TMEM132D: variants seen among roughly 807,000 people sequenced by gnomAD.
TMEM132D encodes mature OL transmembrane protein.
Under a neutral mutation model 62.3 loss-of-function variants are expected in TMEM132D, and 21 were observed. That is an observed-to-expected ratio of 0.34 (90% CI 0.24 to 0.49). The LOEUF (loss-of-function observed/expected upper bound fraction) is 0.49, where lower values mean the gene tolerates loss of function less well. TMEM132D is among the 20% of genes least tolerant of loss of function. The probability of loss-of-function intolerance (pLI) is 0.99; values close to 1 mark genes in which losing one functional copy is unlikely to be tolerated. For missense variants in TMEM132D, 1,346 were observed against 1,402.8 expected, an observed-to-expected ratio of 0.96 and a Z score of 0.65; for synonymous variants, 621 against 575.6, an observed-to-expected ratio of 1.08 and a Z score of -1.13.
intron 3 of TMEM132D, among the ~76,000 whole-genome samples, chr12:129,523,125 CACAG>C (rs1196476419): frequency 6.6e-6 from 1 of 152,134 alleles, no homozygotes; most frequent in South Asian, 2.1e-4. Flanking sequence ...CACACACACA[CACAG>C]ACACACACAC....
At chr12:129,357,598 GAA>G (rs1870113721) in intron 3 of TMEM132D, among the ~76,000 whole-genome samples, 1 of 151,218 alleles carries the variant, frequency 6.6e-6, no homozygotes, top group South Asian at 2.1e-4. Flanking sequence ...AGAAAGGAGA[GAA>G]AGAAAAAGAA....
chr12:129,397,096 C>T (rs1436650471), intron 3 of TMEM132D, among the ~76,000 whole-genome samples: 3 of 152,188 alleles, frequency 2.0e-5, no homozygotes, highest in Non-Finnish European at 4.4e-5. Context: ...CATTCTTAAT[C>T]TCATAGGCAT....
intron 1 of TMEM132D, among the ~76,000 whole-genome samples, chr12:129,899,083 T>G (rs1593203739): frequency 6.6e-6 from 1 of 152,336 alleles, no homozygotes; most frequent in East Asian, 1.9e-4. Flanking sequence ...ACTGAAGGCA[T>G]GTGGCCTTTG....
intron 4 of TMEM132D, among the ~76,000 whole-genome samples, chr12:129,244,371 G>A (rs1198025432): frequency 1.7e-5 from 2 of 115,564 alleles, no homozygotes; most frequent in African/African-American, 3.3e-5. Flanking sequence ...GGGCGACAGA[G>A]CGAGACTCTG....
chr12:129,132,085 T>A (rs1296500877), intron 5 of TMEM132D, among the ~76,000 whole-genome samples: 1 of 152,236 alleles, frequency 6.6e-6, no homozygotes, highest in Non-Finnish European at 1.5e-5. Context: ...ACTGTTTTTT[T>A]ATTTGCAATA....
At chr12:129,805,607 A>T (rs1243028953) in intron 1 of TMEM132D, among the ~76,000 whole-genome samples, 2 of 152,062 alleles carry the variant, frequency 1.3e-5, no homozygotes, top group Non-Finnish European at 2.9e-5. Context: ...AAACCTAGGC[A>T]ATACCATTCA....
chr12:129,086,235 G>GTT (rs1565958945), intron 5 of TMEM132D, among the ~76,000 whole-genome samples: 1 of 127,078 alleles, frequency 7.9e-6, no homozygotes, highest in African/African-American at 2.9e-5. Flanking sequence ...TGTGTGTTGT[G>GTT]GTGAGGACAT....
At position 129,516,428 on chromosome 12, in the gene TMEM132D, G is replaced by A. The variant is rs75779269; in HGVS notation, c.1115+14631C>T. ...AGGTTTAATGGACTCACAGTTCCACGTGGCTGGGGAGGCCTCACAATCATG... is the reference window on the plus strand; with the variant it reads ...AGGTTTAATGGACTCACAGTTCCACATGGCTGGGGAGGCCTCACAATCATG... On this transcript the variant is annotated intron_variant, in intron 3 of 8. Transcript: ENST00000422113. Among the ~76,000 whole-genome samples, 685 of 152,308 alleles carry A rather than the reference G, an allele frequency of 4.5e-3. 3 individuals are homozygous for A. The highest frequency in any genetic ancestry group is 0.015 in the African/African-American group (617 of 41,586).
intron 2 of TMEM132D, among the ~76,000 whole-genome samples, chr12:129,692,022 CATTTAAGAT>C (rs1041068587): frequency 6.6e-6 from 1 of 151,900 alleles, no homozygotes; most frequent in Non-Finnish European, 1.5e-5. Flanking sequence ...AATTTACGAA[CATTTAAGAT>C]ATAAATAATA....
intron 3 of TMEM132D, among the ~76,000 whole-genome samples, chr12:129,517,604 C>T (rs905236133): frequency 4.6e-5 from 7 of 152,074 alleles, no homozygotes; most frequent in Non-Finnish European, 7.4e-5. Flanking sequence ...TATTTAAGGG[C>T]GTCAAGCTGC....
intron 2 of TMEM132D, among the ~76,000 whole-genome samples, chr12:129,613,136 T>C (rs1878819720): frequency 1.3e-5 from 2 of 152,218 alleles, no homozygotes; most frequent in African/African-American, 2.4e-5. Flanking sequence ...AGGCACAGGG[T>C]CCCAGTTGGT....
intron 1 of TMEM132D, among the ~76,000 whole-genome samples, chr12:129,726,804 T>C (rs1457884781): frequency 2.0e-5 from 3 of 152,100 alleles, no homozygotes; most frequent in Admixed American, 6.5e-5. Context: ...CAGAAGCAGG[T>C]CTGAGAAGCT....
chr12:129,444,068 TTGAAAC>T (rs1225272694), intron 3 of TMEM132D, among the ~76,000 whole-genome samples: 1 of 152,018 alleles, frequency 6.6e-6, no homozygotes, highest in Non-Finnish European at 1.5e-5. Context: ...ATGCAGAAAA[TTGAAAC>T]TGGACCCTTT....
At chr12:129,394,335 C>T (rs917446201) in intron 3 of TMEM132D, among the ~76,000 whole-genome samples, 1 of 152,194 alleles carries the variant, frequency 6.6e-6, no homozygotes, top group African/African-American at 2.4e-5. Context: ...ATGAAGGGAG[C>T]CCGTGAGGAC....
intron 2 of TMEM132D, among the ~76,000 whole-genome samples, chr12:129,604,886 C>T (rs560818950): frequency 1.3e-5 from 2 of 152,212 alleles, no homozygotes; most frequent in African/African-American, 4.8e-5. Context: ...AAATGCATAC[C>T]TTACTAAGAA....
chr12:129,420,962 CT>C (rs770659851), intron 3 of TMEM132D, among the ~76,000 whole-genome samples: 3,005 of 134,368 alleles, frequency 0.022, 69 homozygotes, highest in African/African-American at 0.073. Flanking sequence ...GTAGATCTAC[CT>C]TTTTTTTTTT....
At chr12:129,156,122 T>C (rs531186042) in intron 5 of TMEM132D, among the ~76,000 whole-genome samples, 1 of 151,728 alleles carries the variant, frequency 6.6e-6, no homozygotes, top group Non-Finnish European at 1.5e-5. Context: ...ACTCCCACGA[T>C]AACCAACTCA....
At chr12:129,789,699 G>T (rs57893833) in intron 1 of TMEM132D, among the ~76,000 whole-genome samples, 14,679 of 152,196 alleles carry the variant, frequency 0.096, 947 homozygotes, top group African/African-American at 0.18. Flanking sequence ...GATTAGGTCA[G>T]AGTCCAGATG....
At chr12:129,829,605 C>G (rs1272645244) in intron 1 of TMEM132D, among the ~76,000 whole-genome samples, 2 of 152,134 alleles carry the variant, frequency 1.3e-5, no homozygotes, top group African/African-American at 2.4e-5. Context: ...GGGGTAACAG[C>G]TGAGTCACCT....
Sources: gnomAD v4.1 joint callset for allele counts (sites outside exome capture counted in the v4.1 genomes callset) on GRCh38, gnomAD v4.1.1 for gene constraint, MANE v1.5 for transcripts, NCBI Gene and HGNC (gene_info 2026-07-23, HGNC 2026-07-21) for gene names.